The following SYCP1 variants were observed in gnomAD, a reference collection of about 807,000 sequenced individuals.
SYCP1 encodes synaptonemal complex protein 1.
In SYCP1, 64 loss-of-function variants were observed where a neutral mutation model predicts 153.1. The observed-to-expected ratio is 0.42, with a 90% CI of 0.34 to 0.51. The LOEUF is 0.51. SYCP1 is among the 20% of genes least tolerant of loss of function. SYCP1 has a pLI of 0.06. For synonymous variants in SYCP1, 384 were observed against 341.8 expected, an observed-to-expected ratio of 1.12 and a Z score of -1.36; for missense variants, 997 against 1,049.0, an observed-to-expected ratio of 0.95 and a Z score of 0.68.
intron 20 of SYCP1, among the ~76,000 whole-genome samples, chr1:114,920,392 G>A (rs1213031693): frequency 6.6e-6 from 1 of 152,044 alleles, no homozygotes; most frequent in Non-Finnish European, 1.5e-5. Context: ...TTGTTTTGTG[G>A]CTTAACGTAT....
Position 114,871,794 on chromosome 1 carries a change from C to A in SYCP1, c.599-2712C>A, listed in dbSNP as rs370561470. The stretch of plus-strand genomic sequence containing the variant: ...AGAGATGGATTTTCGCCATGTTGGC[C>A]AGACTGGTCTTGAACTCCTGACCTC... On this transcript the variant is annotated intron_variant, in intron 8 of 31. Coordinates refer to ENST00000369522, the MANE Select transcript of SYCP1 (RefSeq NM_003176.4). Among the ~76,000 whole-genome samples the A allele has an allele frequency of 3.3e-5, 5 of 152,226 alleles. No individual in the cohort carries two copies. The East Asian group carries it at 9.7e-4, about 29-fold the overall frequency.
intron 27 of SYCP1, among the ~76,000 whole-genome samples, chr1:114,977,147 T>G (rs187771980): frequency 1.5e-3 from 227 of 151,972 alleles, no homozygotes; most frequent in African/African-American, 5.3e-3. Flanking sequence ...CTGCACCTTT[T>G]CTCAACATGC....
intron 27 of SYCP1, among the ~76,000 whole-genome samples, chr1:114,969,284 G>T (rs1334068857): frequency 6.6e-6 from 1 of 152,112 alleles, no homozygotes; most frequent in African/African-American, 2.4e-5. Context: ...ACCCACAGGT[G>T]CCCCTTCCCC....
At position 114,914,065 on chromosome 1, in the gene SYCP1, C is replaced by CT. The variant is rs768287912; in HGVS notation, c.1718+27dup. On this transcript the variant is annotated intron_variant, in intron 20 of 31. Transcript: ENST00000369522. ...ATTAAGGCAAGACTAACAAATTGGC[C>CT]TTTTTTTGTCTGGCAAAAGATTTTG... is the stretch of plus-strand genomic sequence containing the variant. 2.8e-5 allele frequency: 42 copies of CT among 1,505,980 alleles called. No homozygotes were observed. The highest frequency in any genetic ancestry group is 3.3e-5 in the Non-Finnish European group (37 of 1,127,636). The allele number at this position is 1,505,980 out of a possible 1,614,324, so 93.3% of individuals were successfully genotyped here. A position where few individuals can be genotyped will look rare whatever the true frequency, so the allele number is the denominator to read the frequency against.
chr1:114,926,228 T>C (rs767172267), intron 21 of SYCP1, 50 bp from the exon 22 acceptor site: 1 of 1,326,580 alleles, frequency 7.5e-7, no homozygotes, highest in East Asian at 2.6e-5. Context: ...AATTGCCTGT[T>C]TCAACTGGTA....
chr1:114,956,711 G>T (rs1281561243), intron 27 of SYCP1, among the ~76,000 whole-genome samples: 2 of 150,450 alleles, frequency 1.3e-5, no homozygotes, highest in East Asian at 3.9e-4. Flanking sequence ...ATCTGGGCTG[G>T]AATGGCATGT....
intron 20 of SYCP1, among the ~76,000 whole-genome samples, chr1:114,917,016 T>C (rs1255267489): frequency 6.6e-6 from 1 of 152,094 alleles, no homozygotes; most frequent in Non-Finnish European, 1.5e-5. Flanking sequence ...CAATTATACT[T>C]TTACTTTTAA....
At chr1:114,981,224 A>G (rs1266315822) in intron 28 of SYCP1, 112 bp from the exon 29 acceptor site, 1 of 772,434 alleles carries the variant, frequency 1.3e-6, no homozygotes, top group Non-Finnish European at 2.0e-6. Flanking sequence ...ATTTAGGGAT[A>G]AATTTGCTTA....
intron 16 of SYCP1, among the ~76,000 whole-genome samples, chr1:114,898,720 C>T (rs1045623911): frequency 6.6e-6 from 1 of 152,114 alleles, no homozygotes; most frequent in African/African-American, 2.4e-5. Context: ...AGACTTTAGT[C>T]TTATACTTGG....
chr1:114,984,960 G>A, intron 30 of SYCP1, 92 bp downstream of exon 30: 2 of 601,490 alleles, frequency 3.3e-6, no homozygotes, highest in Non-Finnish European at 4.7e-6. Context: ...TATTTACATA[G>A]TACCTACCAT....
chr1:114,895,961 C>A (rs1667033883), intron 16 of SYCP1, among the ~76,000 whole-genome samples: 1 of 152,086 alleles, frequency 6.6e-6, no homozygotes, highest in African/African-American at 2.4e-5. Flanking sequence ...AGCAAACTGT[C>A]TGTAGAGGAC....
intron 9 of SYCP1, among the ~76,000 whole-genome samples, chr1:114,874,768 T>C (rs530160437): frequency 1.3e-5 from 2 of 152,340 alleles, no homozygotes; most frequent in South Asian, 4.1e-4. Flanking sequence ...TACATGTTAG[T>C]GACATCACTT....
chr1:114,976,326 T>A (rs1188345837), intron 27 of SYCP1, among the ~76,000 whole-genome samples: 1 of 151,842 alleles, frequency 6.6e-6, no homozygotes, highest in East Asian at 1.9e-4. Flanking sequence ...TGCCAGGCCG[T>A]ATTATAGGAA....
At chr1:114,915,087 A>G (rs908987805) in intron 20 of SYCP1, among the ~76,000 whole-genome samples, 9 of 147,528 alleles carry the variant, frequency 6.1e-5, no homozygotes, top group Non-Finnish European at 9.0e-5. Context: ...AAAAAAAACT[A>G]AAAAAAAAAC....
chr1:114,858,303 T>C (rs1664150504), intron 5 of SYCP1, among the ~76,000 whole-genome samples: 1 of 152,158 alleles, frequency 6.6e-6, no homozygotes, highest in South Asian at 2.1e-4. Context: ...AAAATATTTT[T>C]ATGGAGCCAT....
At chr1:114,975,284 T>A (rs1406438733) in intron 27 of SYCP1, among the ~76,000 whole-genome samples, 1 of 151,450 alleles carries the variant, frequency 6.6e-6, no homozygotes, top group Non-Finnish European at 1.5e-5. Context: ...TGTCATCTTA[T>A]TTTTCACTAC....
intron 20 of SYCP1, among the ~76,000 whole-genome samples, chr1:114,917,933 G>T (rs1352033999): frequency 6.6e-6 from 1 of 151,806 alleles, no homozygotes; most frequent in Non-Finnish European, 1.5e-5. Context: ...CATGCTGTGG[G>T]TTGTGTCCTC....
chr1:114,973,374 G>T lies in SYCP1; in HGVS notation c.2323-4183G>T, dbSNP rs983825067. On this transcript the variant is annotated intron_variant, in intron 27 of 31. Coordinates refer to ENST00000369522, the MANE Select transcript of SYCP1 (RefSeq NM_003176.4). ...AGAGACCAAAATATAAACTTAAGTG[G>T]TTTTTTCCTGCTGATCACTCATTAT... 7.2e-5 allele frequency among the ~76,000 whole-genome samples: 11 copies of T among 152,006 alleles called. 1 individual carries two copies. The highest frequency in any genetic ancestry group is 6.8e-3 in the Middle Eastern group (2 of 294).
At chr1:114,948,463 GTAACA>G (rs1303353106) in intron 27 of SYCP1, among the ~76,000 whole-genome samples, 1 of 152,074 alleles carries the variant, frequency 6.6e-6, no homozygotes, top group Non-Finnish European at 1.5e-5. Context: ...AACAGCTTAG[GTAACA>G]TACACTTTCA....
Sources: allele counts gnomAD v4.1 joint callset (sites outside exome capture counted in the v4.1 genomes callset), GRCh38; gene constraint gnomAD v4.1.1; transcripts MANE v1.5; gene names NCBI Gene and HGNC (gene_info 2026-07-23, HGNC 2026-07-21).